SLC44A5: variants seen among roughly 807,000 people sequenced by gnomAD.
SLC44A5 encodes the protein solute carrier family 44 member 5, also known as choline transporter-like protein 5.
SLC44A5 carries 57 observed loss-of-function variants against 101.8 expected under a neutral mutation model. The observed-to-expected ratio is 0.56, with a 90% CI of 0.45 to 0.70. The LOEUF (loss-of-function observed/expected upper bound fraction) is 0.70. SLC44A5 is among the 30% of genes least tolerant of loss of function. The pLI is 0.00. For missense variants in SLC44A5, 737 were observed against 853.1 expected, an observed-to-expected ratio of 0.86 and a Z score of 1.70; for synonymous variants, 281 against 290.9, an observed-to-expected ratio of 0.97 and a Z score of 0.35.
At chr1:75,627,141 C>T in the SLC44A5 span, among the ~76,000 whole-genome samples, 1 of 151,980 alleles carries the variant, frequency 6.6e-6, no homozygotes, top group Non-Finnish European at 1.5e-5. Flanking sequence ...TGTGTATTAC[C>T]GTAACATGTC....
chr1:75,328,393 T>C (rs1345947808), intron 4 of SLC44A5, among the ~76,000 whole-genome samples: 1 of 152,110 alleles, frequency 6.6e-6, no homozygotes, highest in African/African-American at 2.4e-5. Context: ...AAAGAGGAGA[T>C]ATGGGTCAGT....
chr1:75,711,456 T>G, the SLC44A5 span, among the ~76,000 whole-genome samples: 1 of 152,330 alleles, frequency 6.6e-6, no homozygotes, highest in Admixed American at 6.5e-5. Flanking sequence ...AAAAATAGTT[T>G]TATTCAGAAA....
At chr1:75,527,268 G>A (rs1670466134) in intron 2 of SLC44A5, among the ~76,000 whole-genome samples, 1 of 147,132 alleles carries the variant, frequency 6.8e-6, no homozygotes, top group African/African-American at 2.5e-5. Context: ...GAGAGAGAAA[G>A]TTAGAAAGGG....
intron 2 of SLC44A5, among the ~76,000 whole-genome samples, chr1:75,510,288 A>G (rs1469323253): frequency 6.6e-6 from 1 of 152,222 alleles, no homozygotes; most frequent in African/African-American, 2.4e-5. Context: ...GTAGACCTTG[A>G]AGAGTCCTAA....
intron 2 of SLC44A5, among the ~76,000 whole-genome samples, chr1:75,531,075 A>G (rs1670694727): frequency 6.6e-6 from 1 of 152,210 alleles, no homozygotes; most frequent in Non-Finnish European, 1.5e-5. Flanking sequence ...GCTCCACAGG[A>G]CAATAACATG....
chr1:75,712,053 T>C, the SLC44A5 span, among the ~76,000 whole-genome samples: 1 of 152,360 alleles, frequency 6.6e-6, no homozygotes, highest in East Asian at 1.9e-4. Flanking sequence ...ACAGTGTGTC[T>C]GATCTGACCA....
chr1:75,649,033 A>G, the SLC44A5 span, among the ~76,000 whole-genome samples: 5 of 152,218 alleles, frequency 3.3e-5, no homozygotes, highest in African/African-American at 1.2e-4. Flanking sequence ...CTTGTGATGT[A>G]GCTGGGAAAC....
Position 75,375,122 on chromosome 1 carries a change from C to A in SLC44A5, c.52+21461G>T, listed in dbSNP as rs541810234. 3.3e-5 allele frequency among the ~76,000 whole-genome samples: 5 copies of A among 152,202 alleles called. No individual in the cohort carries two copies. The South Asian group carries it at 6.2e-4, about 19-fold the overall frequency. On this transcript the variant is annotated intron_variant, in intron 3 of 23. Transcript: ENST00000370859. ...ATCCAAGAAAACTCAAAAAATGATCCAAGTATCGAAAGACAACAGAGCCAT... is the reference window on the plus strand; with the variant it reads ...ATCCAAGAAAACTCAAAAAATGATCAAAGTATCGAAAGACAACAGAGCCAT...
At chr1:75,404,367 G>A (rs544257158) in intron 2 of SLC44A5, among the ~76,000 whole-genome samples, 313 of 152,194 alleles carry the variant, frequency 2.1e-3, no homozygotes, top group Non-Finnish European at 3.3e-3. Flanking sequence ...GATACTCCTC[G>A]AGGAGAGCAA....
chr1:75,336,790 C>T (rs929328217), intron 4 of SLC44A5, among the ~76,000 whole-genome samples: 10 of 151,728 alleles, frequency 6.6e-5, no homozygotes, highest in African/African-American at 2.2e-4. Context: ...TACTTGGATC[C>T]ACACCATATG....
At chr1:75,627,331 A>T in the SLC44A5 span, among the ~76,000 whole-genome samples, 18 of 152,050 alleles carry the variant, frequency 1.2e-4, no homozygotes, top group Non-Finnish European at 2.5e-4. Flanking sequence ...AGTAGGGGAT[A>T]GGGTTGCAAT....
At chr1:75,644,490 C>T in the SLC44A5 span, among the ~76,000 whole-genome samples, 1 of 151,958 alleles carries the variant, frequency 6.6e-6, no homozygotes, top group Non-Finnish European at 1.5e-5. Flanking sequence ...ATTATTCTAA[C>T]TTGCTTTTAC....
At chr1:75,491,379 A>G (rs1668416404) in intron 2 of SLC44A5, among the ~76,000 whole-genome samples, 1 of 152,158 alleles carries the variant, frequency 6.6e-6, no homozygotes, top group South Asian at 2.1e-4. Flanking sequence ...TGAATTAACC[A>G]ATCCAGGAAA....
At chr1:75,311,576 T>C in intron 4 of SLC44A5, 2 of 985,046 alleles carry the variant, frequency 2.0e-6, no homozygotes, top group Non-Finnish European at 2.4e-6. Flanking sequence ...TTCTGAAATA[T>C]GGCCTTCAAA....
intron 2 of SLC44A5, among the ~76,000 whole-genome samples, chr1:75,414,216 G>A (rs1214782075): frequency 4.6e-5 from 7 of 151,398 alleles, no homozygotes; most frequent in South Asian, 2.1e-4. Context: ...TATTCTTCCC[G>A]ACCACTGACT....
intron 23 of SLC44A5, 107 bp from the exon 24 acceptor site, chr1:75,203,940 GT>G (rs34950114): frequency 5.6e-6 from 6 of 1,079,458 alleles, no homozygotes; most frequent in Admixed American, 8.3e-5. Flanking sequence ...TCCTTTTGTT[GT>G]TTTTTTTTTG....
At chr1:75,283,987 C>T (rs1158501222) in intron 5 of SLC44A5, among the ~76,000 whole-genome samples, 3 of 152,050 alleles carry the variant, frequency 2.0e-5, no homozygotes, top group Non-Finnish European at 4.4e-5. Flanking sequence ...GTTATGCAGG[C>T]TCCTTTTTGA....
At chr1:75,467,958 A>G (rs1241835471) in intron 2 of SLC44A5, among the ~76,000 whole-genome samples, 3 of 152,146 alleles carry the variant, frequency 2.0e-5, no homozygotes, top group African/African-American at 4.8e-5. Flanking sequence ...ACCAGAATAC[A>G]TAAGGAACTC....
At chr1:75,704,753 T>G in the SLC44A5 span, among the ~76,000 whole-genome samples, 20 of 152,346 alleles carry the variant, frequency 1.3e-4, no homozygotes, top group East Asian at 3.9e-3. Flanking sequence ...AATGATATCA[T>G]CTACAAATAA....
Sources: allele counts gnomAD v4.1 joint callset (sites outside exome capture counted in the v4.1 genomes callset), GRCh38; gene constraint gnomAD v4.1.1; transcripts MANE v1.5; gene names NCBI Gene and HGNC (gene_info 2026-07-23, HGNC 2026-07-21).